Variants in USP37 observed in about 807,000 individuals in gnomAD.
USP37 encodes the protein ubiquitin carboxyl-terminal hydrolase 37.
USP37 carries 27 observed loss-of-function variants against 124.0 expected under a neutral mutation model. The ratio of observed to expected loss-of-function variants is 0.22; its 90% CI spans 0.16 to 0.30. The LOEUF is 0.30. Among genes scored for constraint, USP37 ranks in the 10% least tolerant of loss-of-function variants. The pLI is 1.00. For synonymous variants in USP37, 365 were observed against 388.0 expected (o/e 0.94, Z 0.70); for missense variants, 889 against 1,140.4 (o/e 0.78, Z 3.17).
chr2:218,497,689 C>A (rs1689153006), intron 13 of USP37, 45 bp downstream of exon 13: 3 of 1,607,060 alleles, frequency 1.9e-6, no homozygotes, highest in Middle Eastern at 1.7e-4. Context: ...AGACGTGAGC[C>A]ACCGTGTCAG....
intron 4 of USP37, among the ~76,000 whole-genome samples, chr2:218,555,577 CA>C (rs1165475403): frequency 5.3e-5 from 8 of 152,160 alleles, no homozygotes; most frequent in South Asian, 4.1e-4. Context: ...ATTAAATATA[CA>C]AAGCAAAGTT....
rs1449232803 is a variant in USP37 at position 218,563,113 on chromosome 2, A to G, written c.-229-300T>C. On this transcript the variant is annotated intron_variant, in intron 1 of 25. Transcript: ENST00000258399. ...AGGAGGTGGAGGTTGCAGTGAGCAGAGATCACGCCATTGCACTCCAACCTG... is the reference window on the plus strand; with the variant it reads ...AGGAGGTGGAGGTTGCAGTGAGCAGGGATCACGCCATTGCACTCCAACCTG... Among the ~76,000 whole-genome samples, 3 of 151,342 alleles carry G rather than the reference A, an allele frequency of 2.0e-5. No individual in the cohort carries two copies. In the East Asian group the frequency reaches 5.8e-4, roughly 29 times the overall value.
At chr2:218,562,332 GA>G (rs1363744646) in intron 2 of USP37, among the ~76,000 whole-genome samples, 1 of 152,134 alleles carries the variant, frequency 6.6e-6, no homozygotes, top group Non-Finnish European at 1.5e-5. Flanking sequence ...AAAAAAATAA[GA>G]AGACAAAAGA....
At chr2:218,529,228 G>A (rs912660351) in intron 10 of USP37, among the ~76,000 whole-genome samples, 8 of 152,126 alleles carry the variant, frequency 5.3e-5, no homozygotes, top group Non-Finnish European at 1.0e-4. Context: ...TAGAGTGGTC[G>A]GATGCGATGG....
intron 4 of USP37, among the ~76,000 whole-genome samples, chr2:218,556,209 T>G (rs1462145308): frequency 6.6e-6 from 1 of 152,198 alleles, no homozygotes; most frequent in East Asian, 1.9e-4. Flanking sequence ...GTCCATATAT[T>G]TTAAAAATAA....
Position 218,474,833 on chromosome 2 carries a change from C to A in USP37, c.2096G>T (p.Gly699Val), listed in dbSNP as rs182073681. ...EPDKSELENS[G>V]FDRMSEEELL... is the part of the protein sequence containing the mutation. The stretch of plus-strand genomic sequence containing the variant: ...CTCTTCTTCGCTCATTCTGTCAAAT[C>A]CTGAGTTTTCCAATTCAGACTTGTC... The change falls in exon 20 of 26, where the codon GGA becomes GTA. Residue 699 changes from glycine to valine, a missense_variant. Around this residue, in one of 3 missense-constraint regions of USP37, gnomAD observed 504 missense variants for 714.3 expected, o/e 0.71. Coordinates refer to ENST00000258399, the MANE Select transcript of USP37 (RefSeq NM_020935.3). The A allele has an allele frequency of 5.9e-5, 96 of 1,614,048 alleles. 2 individuals are homozygous for A. The East Asian group carries it at 2.0e-3, about 34-fold the overall frequency.
At position 218,485,706 on chromosome 2, in the gene USP37, CCACCACACTTCT is replaced by C. The variant is rs1691521294; in HGVS notation, c.1616_1627del (p.Glu539_Gly542del). On this transcript the variant is annotated inframe_deletion, in exon 16 of 26. Transcript: ENST00000258399. ...TTTGTGCCTGACAAGAGCACACTTC[CCACCACACTTCT>C]CACAAGAATACTCCAGTTCTTCGGC... 6.2e-7 allele frequency: 1 copy of C among 1,609,184 alleles called. No homozygotes were observed. Among genetic ancestry groups the C allele is most frequent in the Non-Finnish European group, 8.5e-7 (1 of 1,178,956 alleles).
At chr2:218,529,520 A>C (rs1035188215) in intron 10 of USP37, among the ~76,000 whole-genome samples, 6 of 151,240 alleles carry the variant, frequency 4.0e-5, no homozygotes, top group Non-Finnish European at 7.4e-5. Flanking sequence ...CAGGAGCAGG[A>C]GCAGTGGTTC....
chr2:218,551,713 G>T, intron 5 of USP37, among the ~76,000 whole-genome samples: 1 of 152,084 alleles, frequency 6.6e-6, no homozygotes, highest in Admixed American at 6.6e-5. Flanking sequence ...ATTAATATGG[G>T]TAAGATGAAA....
At chr2:218,544,426 T>C (rs377689634) in intron 8 of USP37, among the ~76,000 whole-genome samples, 1 of 47,734 alleles carries the variant, frequency 2.1e-5, no homozygotes, top group Non-Finnish European at 3.3e-5. Context: ...TATATATATA[T>C]ATATAGAGAG....
chr2:218,483,599 AAAAAAAAAG>A (rs1208339001), intron 16 of USP37, among the ~76,000 whole-genome samples: 1 of 151,716 alleles, frequency 6.6e-6, no homozygotes, highest in African/African-American at 2.4e-5. Flanking sequence ...CCAGGAAAAA[AAAAAAAAAG>A]AAAAAAAAGA....
intron 18 of USP37, among the ~76,000 whole-genome samples, chr2:218,479,397 CAATAAT>C (rs934330147): frequency 6.6e-6 from 1 of 152,070 alleles, no homozygotes; most frequent in African/African-American, 2.4e-5. Flanking sequence ...TACATATTAA[CAATAAT>C]AAGTTTTTAA....
At chr2:218,484,564 G>C (rs1406172965) in intron 16 of USP37, among the ~76,000 whole-genome samples, 1 of 152,024 alleles carries the variant, frequency 6.6e-6, no homozygotes, top group Non-Finnish European at 1.5e-5. Context: ...AGAGGTTGCG[G>C]TGAGCTGAGA....
rs1025443891 is a variant in USP37, at chr2:218,485,612, C to T, written c.1670+52G>A. On this transcript the variant is annotated intron_variant, in intron 16 of 25. Transcript: ENST00000258399. ...AAAAATTGAAAAGCAATTAAATGTA[C>T]CTGGGAATTCTTTAGTCCATAGCAA... The T allele has an allele frequency of 4.2e-5, 62 of 1,482,252 alleles. 1 individual carries two copies. In the South Asian group the frequency reaches 7.4e-4, roughly 18 times the overall value. The allele number at this position is 1,482,252 out of a possible 1,614,324, so 91.8% of individuals were successfully genotyped here.
chr2:218,466,332 T>C (rs1003364599), intron 20 of USP37, among the ~76,000 whole-genome samples, 156 bp from the exon 21 acceptor site: 1 of 152,156 alleles, frequency 6.6e-6, no homozygotes, highest in African/African-American at 2.4e-5. Flanking sequence ...TACGTCAGGG[T>C]TGATCAACCT....
rs1205446446 is a variant in USP37, at chr2:218,493,063, T to G, written c.1472+2697A>C. 2.0e-5 allele frequency among the ~76,000 whole-genome samples: 3 copies of G among 152,118 alleles called. No homozygotes were observed. In the South Asian group the frequency reaches 6.2e-4, roughly 31 times the overall value. ...AAGAATATATTATTAATACACTGAA[T>G]TGCCTTATATTAATTAAAAAGCAGT... is the stretch of plus-strand genomic sequence containing the variant. On this transcript the variant is annotated intron_variant, in intron 14 of 25. Transcript: ENST00000258399.
At chr2:218,530,890 G>A (rs769395020) in intron 9 of USP37, among the ~76,000 whole-genome samples, 26 of 152,142 alleles carry the variant, frequency 1.7e-4, no homozygotes, top group Non-Finnish European at 3.2e-4. Flanking sequence ...CCAGGGTAAA[G>A]GTCTAGTCTA....
chr2:218,508,469 A>C (rs1025916990), intron 11 of USP37, among the ~76,000 whole-genome samples: 2 of 152,110 alleles, frequency 1.3e-5, no homozygotes, highest in African/African-American at 4.8e-5. Context: ...AAGGCTCTCA[A>C]AAGAATCTGA....
At position 218,463,364 on chromosome 2, in the gene USP37, C is replaced by T. The variant is rs1381914657; in HGVS notation, c.2469G>A (p.Glu823=). 1.1e-5 allele frequency: 18 copies of T among 1,613,898 alleles called. No homozygotes were observed. Among genetic ancestry groups the T allele is most frequent in the Admixed American group, 1.7e-5 (1 of 59,978 alleles). Residue 823 remains glutamate (E), a splice_region_variant and synonymous_variant, in exon 22 of 26, where the codon GAG becomes GAA. Coordinates refer to ENST00000258399, the MANE Select transcript of USP37 (RefSeq NM_020935.3). ...CATCATCTTCTTTCTGTTCCCAAGC[C>T]TCCTAAAGGGAAAAGAACAAAAACT... The part of the protein sequence containing the change: ...QALAQSLQEQ[E]AWEQKEDDDL...
Sources: gnomAD v4.1 joint callset for allele counts (sites outside exome capture counted in the v4.1 genomes callset) on GRCh38, gnomAD v4.1.1 for gene constraint, gnomAD v4.1.1 regional missense constraint, MANE v1.5 for transcripts, NCBI Gene and HGNC (gene_info 2026-07-23, HGNC 2026-07-21) for gene names.